The following BANK1 variants were observed in gnomAD, a reference collection of about 807,000 sequenced individuals.
BANK1 encodes the protein B-cell scaffold protein with ankyrin repeats.
In BANK1, 95 loss-of-function variants were observed where a neutral mutation model predicts 94.5. The ratio of observed to expected loss-of-function variants is 1.00; its 90% CI spans 0.85 to 1.19. The LOEUF (loss-of-function observed/expected upper bound fraction) is 1.19. BANK1 is among the 50% of genes most tolerant of loss of function. The probability of loss-of-function intolerance (pLI) is 0.00; values close to 1 mark genes in which losing one functional copy is unlikely to be tolerated. For synonymous variants in BANK1, 334 were observed against 308.4 expected (o/e 1.08, Z -0.87); for missense variants, 987 against 932.2 (o/e 1.06, Z -0.77).
At chr4:101,935,288 A>G (rs923789088) in intron 7 of BANK1, among the ~76,000 whole-genome samples, 1 of 151,616 alleles carries the variant, frequency 6.6e-6, no homozygotes, top group African/African-American at 2.4e-5. Context: ...AAAGTTCTTA[A>G]GTAGTCAATC....
chr4:101,934,371 G>C (rs570031480), intron 7 of BANK1, among the ~76,000 whole-genome samples: 64 of 151,418 alleles, frequency 4.2e-4, no homozygotes, highest in Non-Finnish European at 8.0e-4. Context: ...ATACTAAGAA[G>C]CTACGATGAG....
chr4:102,040,048 T>G (rs1178303039), intron 10 of BANK1, among the ~76,000 whole-genome samples: 1 of 152,012 alleles, frequency 6.6e-6, no homozygotes, highest in Admixed American at 6.6e-5. Context: ...TAATTCAAAA[T>G]AAGATTTATC....
At chr4:101,811,629 A>G (rs747405145) in intron 1 of BANK1, among the ~76,000 whole-genome samples, 1 of 152,164 alleles carries the variant, frequency 6.6e-6, no homozygotes, top group Non-Finnish European at 1.5e-5. Context: ...CATTCATGAT[A>G]CATTTTAAAA....
In BANK1 at chr4:102,011,186, T is replaced by C. The variant is rs78705328; in HGVS notation, c.1207-10328T>C. ...AACAAGGAAAATTTCCCCAAAGGTA[T>C]GTAAAGCTAAAGCTGAAGGAATACT... On this transcript the variant is annotated intron_variant, in intron 7 of 16. Coordinates refer to ENST00000322953, the MANE Select transcript of BANK1 (RefSeq NM_017935.5). Among the ~76,000 whole-genome samples the C allele has an allele frequency of 5.6e-3, 858 of 152,340 alleles. 22 individuals are homozygous for C. The East Asian group carries it at 0.068, about 12-fold the overall frequency.
chr4:101,889,106 G>A (rs1303717211), intron 5 of BANK1, among the ~76,000 whole-genome samples: 3 of 152,082 alleles, frequency 2.0e-5, no homozygotes, highest in Admixed American at 6.6e-5. Context: ...ATATATAGTT[G>A]TAGGTTATAT....
intron 7 of BANK1, among the ~76,000 whole-genome samples, chr4:101,992,036 C>T (rs896829727): frequency 1.3e-5 from 2 of 152,082 alleles, no homozygotes; most frequent in South Asian, 2.1e-4. Context: ...ACCCATGTTA[C>T]GGAAACCCTT....
intron 7 of BANK1, among the ~76,000 whole-genome samples, chr4:101,968,705 A>T (rs1249938055): frequency 6.6e-6 from 1 of 152,058 alleles, no homozygotes; most frequent in African/African-American, 2.4e-5. Flanking sequence ...ACTGCAGGGG[A>T]CTACAGAGAA....
intron 7 of BANK1, among the ~76,000 whole-genome samples, chr4:102,010,993 T>C (rs1010461794): frequency 6.6e-6 from 1 of 152,216 alleles, no homozygotes; most frequent in African/African-American, 2.4e-5. Context: ...CCTTAAACAG[T>C]TTCAGAAGCA....
rs1381264227 is a variant in BANK1, at chr4:102,024,312, G to T, written c.1286-889G>T. On this transcript the variant is annotated intron_variant, in intron 8 of 16. Coordinates refer to ENST00000322953, the MANE Select transcript of BANK1 (RefSeq NM_017935.5). ...ACATATTCAAAGGTCTGTTACAGAG[G>T]TTCCAAAGTCTGTTTAGAAATTCCA... Among the ~76,000 whole-genome samples, 17 of 152,162 alleles carry T rather than the reference G, an allele frequency of 1.1e-4. 1 individual carries two copies. The South Asian group carries it at 3.5e-3, about 32-fold the overall frequency.
chr4:101,848,581 A>G (rs1386915892), intron 2 of BANK1, among the ~76,000 whole-genome samples: 1 of 152,256 alleles, frequency 6.6e-6, no homozygotes. Flanking sequence ...CTAAGATAAT[A>G]CAGTCATGCA....
chr4:101,882,302 A>T (rs1233917397), intron 5 of BANK1, among the ~76,000 whole-genome samples: 1 of 152,186 alleles, frequency 6.6e-6, no homozygotes, highest in Non-Finnish European at 1.5e-5. Context: ...TTTGTTTTTT[A>T]TTTATGAAAT....
At chr4:101,833,938 A>T (rs1261425058) in intron 2 of BANK1, among the ~76,000 whole-genome samples, 5 of 152,182 alleles carry the variant, frequency 3.3e-5, no homozygotes, top group Admixed American at 2.0e-4. Flanking sequence ...GTGTTACAAT[A>T]GGAAAATTAT....
In BANK1 at chr4:101,815,057, GA is replaced by G. The variant is rs1578332586; in HGVS notation, c.71-14748del. Among the ~76,000 whole-genome samples, 3 of 152,248 alleles carry G rather than the reference GA, an allele frequency of 2.0e-5. No homozygotes were observed. In the East Asian group the frequency reaches 5.8e-4, roughly 29 times the overall value. On this transcript the variant is annotated intron_variant, in intron 1 of 16. Coordinates refer to ENST00000322953, the MANE Select transcript of BANK1 (RefSeq NM_017935.5). ...ATATGACAAAGAATAAGGGAAGGGG[GA>G]AATCAAATATTGCCTTTGTTACTGA... is the stretch of plus-strand genomic sequence containing the variant.
At chr4:101,930,982 C>T (rs745528109) in intron 7 of BANK1, among the ~76,000 whole-genome samples, 3 of 151,556 alleles carry the variant, frequency 2.0e-5, no homozygotes, top group Admixed American at 6.6e-5. Flanking sequence ...GTGTTTTATG[C>T]AGATGGACTA....
intron 4 of BANK1, among the ~76,000 whole-genome samples, chr4:101,869,989 T>C (rs1429553088): frequency 1.1e-4 from 17 of 151,982 alleles, no homozygotes. Context: ...TACTTCAGTA[T>C]CAGGGGATTA....
intron 4 of BANK1, among the ~76,000 whole-genome samples, chr4:101,866,313 G>A (rs1308779213): frequency 6.6e-6 from 1 of 152,004 alleles, no homozygotes; most frequent in Non-Finnish European, 1.5e-5. Flanking sequence ...AAATGGTAAA[G>A]AGAAAAAAGT....
At chr4:101,885,054 G>T (rs1015306455) in intron 5 of BANK1, among the ~76,000 whole-genome samples, 1 of 152,074 alleles carries the variant, frequency 6.6e-6, no homozygotes, top group African/African-American at 2.4e-5. Flanking sequence ...AGTAGCTGGG[G>T]TTACAGGCGC....
In BANK1 at chr4:101,866,027, A is replaced by C. The variant is rs533045107; in HGVS notation, c.763+3363A>C. ...CATCTAGTCATAAACCAAACATTGC[A>C]AGGCATTCCTAAAGACAAGATAAAA... On this transcript the variant is annotated intron_variant, in intron 4 of 16. Transcript: ENST00000322953. Among the ~76,000 whole-genome samples the C allele has an allele frequency of 2.0e-5, 3 of 152,288 alleles. No individual in the cohort carries two copies. The East Asian group carries it at 5.8e-4, about 29-fold the overall frequency.
At chr4:101,868,436 G>A (rs1054428362) in intron 4 of BANK1, among the ~76,000 whole-genome samples, 1 of 151,846 alleles carries the variant, frequency 6.6e-6, no homozygotes, top group African/African-American at 2.4e-5. Context: ...TCTTAAACAG[G>A]TATGCACTTA....
Sources: gnomAD v4.1 joint callset for allele counts (sites outside exome capture counted in the v4.1 genomes callset) on GRCh38, gnomAD v4.1.1 for gene constraint, MANE v1.5 for transcripts, NCBI Gene and HGNC (gene_info 2026-07-23, HGNC 2026-07-21) for gene names.